Variants in ANKRD46 observed in about 807,000 individuals in gnomAD.
ANKRD46 encodes ankyrin repeat domain-containing protein 46.
In ANKRD46, 13 loss-of-function variants were observed where a neutral mutation model predicts 19.8. That is an observed-to-expected ratio of 0.66 (90% confidence interval 0.43 to 1.04). ANKRD46 has a LOEUF of 1.04. Among genes scored for constraint, ANKRD46 ranks in the 50% least tolerant of loss-of-function variants. ANKRD46 has a pLI of 0.00. For synonymous variants in ANKRD46, 91 were observed against 106.9 expected (o/e 0.85, Z 0.92); for missense variants, 185 against 274.8 (o/e 0.67, Z 2.31).
At position 100,544,541 on chromosome 8, in the gene ANKRD46, T is replaced by C. The variant is rs1242246457; in HGVS notation, c.-130-11230A>G. ...AGACTTCCAGACTTGAATCAAGAGA[T>C]CCATGATCTGTGAATTTATCAAGAA... On this transcript the variant is annotated intron_variant, in intron 1 of 4. Coordinates refer to ENST00000335659, the MANE Select transcript of ANKRD46 (RefSeq NM_001270377.2). This position sits in a 1 kb window ranked among gnomAD's most constrained non-coding sequence, Gnocchi z 4.4. 6.6e-6 allele frequency among the ~76,000 whole-genome samples: 1 copy of C among 152,152 alleles called. No homozygotes were observed.
In ANKRD46 at chr8:100,521,148, T is replaced by C. The variant is rs181449245; in HGVS notation, c.*1407A>G. On this transcript the variant is annotated 3_prime_UTR_variant, in exon 5 of 5. Transcript: ENST00000335659. ...CTATTAAAGAGAGGATAAAGCCACA[T>C]GAAAGAGCAAGCCTCAATACTAGAT... is the stretch of plus-strand genomic sequence containing the variant. 2.8e-5 allele frequency: 28 copies of C among 984,894 alleles called. No homozygotes were observed. The Admixed American group carries it at 3.7e-4, about 13-fold the overall frequency. The allele number at this position is 984,894 out of a possible 1,614,324, so 61.0% of individuals were successfully genotyped here.
chr8:100,522,780 G>C lies in ANKRD46; in HGVS notation c.471-9C>G. On this transcript the variant is annotated splice_polypyrimidine_tract_variant and intron_variant, in intron 4 of 4. Coordinates refer to ENST00000335659, the MANE Select transcript of ANKRD46 (RefSeq NM_001270377.2). ...AATGGCTTTCCATGGCACTGTGGAA[G>C]AAGAAAGAGCAAAAAGGGCATTAAA... 6.2e-7 allele frequency: 1 copy of C among 1,603,848 alleles called. No homozygotes were observed. Among genetic ancestry groups the C allele is most frequent in the Non-Finnish European group, 8.5e-7 (1 of 1,173,950 alleles).
intron 1 of ANKRD46, among the ~76,000 whole-genome samples, chr8:100,539,697 T>G (rs891040261): frequency 1.3e-5 from 2 of 152,224 alleles, no homozygotes; most frequent in Non-Finnish European, 2.9e-5. Flanking sequence ...TAATTAAAAC[T>G]ATTAATGCAT....
At chr8:100,553,115 C>A (rs1812426558) in intron 1 of ANKRD46, among the ~76,000 whole-genome samples, 1 of 152,148 alleles carries the variant, frequency 6.6e-6, no homozygotes, top group African/African-American at 2.4e-5. Flanking sequence ...TGACTGAGAG[C>A]TTGGTAAATT....
chr8:100,559,621 G>T lies in ANKRD46; in HGVS notation c.-131+90C>A, dbSNP rs912839389. ...CCTCGCCCCTCAGGGCCCCGGCCAG[G>T]CCTACTGGACCTCCAGTGCTACAGG... On this transcript the variant is annotated intron_variant, in intron 1 of 4. Transcript: ENST00000335659. The surrounding 1 kb of genome is among the most constrained non-coding windows in gnomAD (Gnocchi z 6.0). 1 of 152,488 alleles carries T rather than the reference G, an allele frequency of 6.6e-6. No individual in the cohort carries two copies. The highest frequency in any genetic ancestry group is 1.5e-5 in the Non-Finnish European group (1 of 68,236). 9.4% of individuals were successfully genotyped at this position (152,488 alleles called of 1,614,324 possible).
At position 100,534,435 on chromosome 8, in the gene ANKRD46, T is replaced by C. The variant is rs374356060; in HGVS notation, c.-130-1124A>G. ...CTTTTGTGATACCACAGTATCAATT[T>C]AGACGAACTTCATATCACGGAGCCA... On this transcript the variant is annotated intron_variant, in intron 1 of 4. Transcript: ENST00000335659. This position sits in a 1 kb window ranked among gnomAD's most constrained non-coding sequence, Gnocchi z 4.2. 2.6e-5 allele frequency among the ~76,000 whole-genome samples: 4 copies of C among 152,370 alleles called. No homozygotes were observed. Among genetic ancestry groups the C allele is most frequent in the Middle Eastern group, 3.4e-3 (1 of 294 alleles).
At chr8:100,523,214 T>A (rs1327142969) in intron 4 of ANKRD46, among the ~76,000 whole-genome samples, 1 of 151,856 alleles carries the variant, frequency 6.6e-6, no homozygotes, top group East Asian at 1.9e-4. Flanking sequence ...TTATGAGTTG[T>A]CTCCATCAAG....
intron 1 of ANKRD46, among the ~76,000 whole-genome samples, chr8:100,549,833 C>T (rs1162922059): frequency 6.6e-6 from 1 of 152,194 alleles, no homozygotes; most frequent in Non-Finnish European, 1.5e-5. Context: ...TAAAAATTTT[C>T]TGGGCTCTGC....
At chr8:100,530,945 T>C (rs939414368) in intron 2 of ANKRD46, among the ~76,000 whole-genome samples, 9 of 152,180 alleles carry the variant, frequency 5.9e-5, no homozygotes, top group Non-Finnish European at 1.2e-4. Flanking sequence ...ATTTCATCTC[T>C]TGGACTCATC....
At chr8:100,512,850 G>T (rs1428471581) in intron 5 of ANKRD46, among the ~76,000 whole-genome samples, 2 of 152,158 alleles carry the variant, frequency 1.3e-5, no homozygotes, top group Non-Finnish European at 2.9e-5. Flanking sequence ...TTCATGATTG[G>T]TTAAAACGTA....
intron 1 of ANKRD46, among the ~76,000 whole-genome samples, chr8:100,548,365 T>C (rs1419514138): frequency 6.6e-6 from 1 of 152,184 alleles, no homozygotes; most frequent in East Asian, 1.9e-4. Context: ...TTACTTTTCT[T>C]CCTGCTGGAA....
rs1001566117 is a variant in ANKRD46, at chr8:100,534,642, G to A, written c.-130-1331C>T. On this transcript the variant is annotated intron_variant, in intron 1 of 4. Coordinates refer to ENST00000335659, the MANE Select transcript of ANKRD46 (RefSeq NM_001270377.2). The surrounding 1 kb of genome is among the most constrained non-coding windows in gnomAD (Gnocchi z 4.2). ...AGTGGGTTATTCTGGATGTGGTAGA[G>A]CTCACATTAGGGAAAAAGAAAAAAT... Among the ~76,000 whole-genome samples, 1 of 152,188 alleles carries A rather than the reference G, an allele frequency of 6.6e-6. No individual in the cohort carries two copies. The highest frequency in any genetic ancestry group is 2.4e-5 in the African/African-American group (1 of 41,444).
Position 100,527,827 on chromosome 8 carries a change from A to C in ANKRD46, c.470+18T>G. Reference sequence around the variant, plus strand: ...AATGAGTAATACAGTGAGAAAAAAAAAGTTGTATCTCCAGTACCTTTCACT... The same window carrying C: ...AATGAGTAATACAGTGAGAAAAAAACAGTTGTATCTCCAGTACCTTTCACT... On this transcript the variant is annotated intron_variant, in intron 4 of 4. Transcript: ENST00000335659. This position sits in a 1 kb window ranked among gnomAD's most constrained non-coding sequence, Gnocchi z 4.0. 1.2e-6 allele frequency: 2 copies of C among 1,607,118 alleles called. No individual in the cohort carries two copies. The highest frequency in any genetic ancestry group is 1.7e-6 in the Non-Finnish European group (2 of 1,177,426).
Position 100,522,777 on chromosome 8 carries a change from G to A in ANKRD46, c.471-6C>T. 1 of 1,599,906 alleles carries A rather than the reference G, an allele frequency of 6.3e-7. No homozygotes were observed. The highest frequency in any genetic ancestry group is 8.5e-7 in the Non-Finnish European group (1 of 1,171,220). On this transcript the variant is annotated splice_polypyrimidine_tract_variant and splice_region_variant and intron_variant, in intron 4 of 4. Coordinates refer to ENST00000335659, the MANE Select transcript of ANKRD46 (RefSeq NM_001270377.2). ...GTGAATGGCTTTCCATGGCACTGTG[G>A]AAGAAGAAAGAGCAAAAAGGGCATT...
downstream of ANKRD46, among the ~76,000 whole-genome samples, chr8:100,517,956 C>G (rs893639644): frequency 6.6e-6 from 1 of 152,048 alleles, no homozygotes. Flanking sequence ...TTTGGGAGGC[C>G]GAGGCAGGCA....
At chr8:100,551,399 T>C in intron 1 of ANKRD46, 1 of 611,318 alleles carries the variant, frequency 1.6e-6, no homozygotes, top group Non-Finnish European at 3.1e-6. Flanking sequence ...CCCAGCCTTC[T>C]CTATGGTCAT....
chr8:100,554,884 T>G (rs1312308015), intron 1 of ANKRD46, among the ~76,000 whole-genome samples: 1 of 151,158 alleles, frequency 6.6e-6, no homozygotes, highest in East Asian at 1.9e-4. Flanking sequence ...ATACAAAAAT[T>G]AGCTGTGTGT....
intron 1 of ANKRD46, chr8:100,551,239 G>A (rs1474143812): frequency 3.4e-5 from 16 of 466,526 alleles, no homozygotes; most frequent in South Asian, 2.2e-4. Context: ...GGGCTTGGCC[G>A]GGGGATTAAG....
Position 100,522,060 on chromosome 8 carries a change from A to G in ANKRD46, c.*495T>C. 3.0e-6 allele frequency: 3 copies of G among 986,960 alleles called. No homozygotes were observed. Among genetic ancestry groups the G allele is most frequent in the Non-Finnish European group, 3.6e-6 (3 of 830,742 alleles). The allele number at this position is 986,960 out of a possible 1,614,324, so 61.1% of individuals were successfully genotyped here. The stretch of plus-strand genomic sequence containing the variant: ...ATAGATGCTAACAATACTAATTTGC[A>G]CACAAGATTTGAAAAAAGTACTTCA... On this transcript the variant is annotated 3_prime_UTR_variant, in exon 5 of 5. Transcript: ENST00000335659.
Sources: gnomAD v4.1 joint callset for allele counts (sites outside exome capture counted in the v4.1 genomes callset) on GRCh38, gnomAD v4.1.1 for gene constraint, Gnocchi (gnomAD v3.1) non-coding constraint, MANE v1.5 for transcripts, NCBI Gene and HGNC (gene_info 2026-07-23, HGNC 2026-07-21) for gene names.